Variants in DPP6 observed in about 807,000 individuals in gnomAD.
DPP6 encodes A-type potassium channel modulatory protein DPP6.
Under a neutral mutation model 122.6 loss-of-function variants are expected in DPP6, and 69 were observed. The observed-to-expected ratio is 0.56, with a 90% confidence interval of 0.46 to 0.69. DPP6 has a LOEUF of 0.69. Among genes scored for constraint, DPP6 ranks in the 30% least tolerant of loss-of-function variants. The pLI is 0.00. For synonymous variants in DPP6, 418 were observed against 433.1 expected (o/e 0.97, Z 0.43); for missense variants, 928 against 1,116.9 (o/e 0.83, Z 2.41).
At chr7:154,281,399 C>A (rs1585819634) in intron 1 of DPP6, among the ~76,000 whole-genome samples, 1 of 152,114 alleles carries the variant, frequency 6.6e-6, no homozygotes, top group Admixed American at 6.5e-5. Context: ...GTGGGCTCTC[C>A]CTGGGCTGTG....
chr7:154,290,707 G>C (rs1585843721), intron 1 of DPP6, among the ~76,000 whole-genome samples: 1 of 152,004 alleles, frequency 6.6e-6, no homozygotes, highest in Non-Finnish European at 1.5e-5. Flanking sequence ...GTTCCACTTG[G>C]CAGCCATTTT....
At chr7:154,884,345 CT>C (rs1805879452) in intron 21 of DPP6, 1 of 69,574 alleles carries the variant, frequency 1.4e-5, no homozygotes. Flanking sequence ...CATACGCCTA[CT>C]CACACACACA....
chr7:154,338,191 C>G (rs1441973539), intron 1 of DPP6, among the ~76,000 whole-genome samples: 3 of 152,080 alleles, frequency 2.0e-5, no homozygotes, highest in African/African-American at 7.2e-5. Flanking sequence ...CAGTTGTACT[C>G]CAGCAGGACT....
intron 1 of DPP6, among the ~76,000 whole-genome samples, chr7:153,997,682 A>C (rs527663796): frequency 6.7e-6 from 1 of 149,186 alleles, no homozygotes; most frequent in Non-Finnish European, 1.5e-5. Context: ...CACAAAAATT[A>C]AGGCATCCAA....
At chr7:154,750,009 A>C (rs1843292154) in intron 8 of DPP6, among the ~76,000 whole-genome samples, 3 of 150,770 alleles carry the variant, frequency 2.0e-5, no homozygotes, top group Non-Finnish European at 4.4e-5. Flanking sequence ...GACGGGAAAG[A>C]GAGGGATGGA....
intron 1 of DPP6, among the ~76,000 whole-genome samples, chr7:154,250,959 G>C (rs1306289272): frequency 1.3e-5 from 2 of 152,200 alleles, no homozygotes; most frequent in African/African-American, 4.8e-5. Flanking sequence ...GGCGTCCCTA[G>C]TCCCAAAGAC....
Position 154,432,721 on chromosome 7 carries a change from G to A in DPP6, c.244-13493G>A, listed in dbSNP as rs376387951. Among the ~76,000 whole-genome samples, 77 of 152,228 alleles carry A rather than the reference G, an allele frequency of 5.1e-4. 1 individual carries two copies. The highest frequency in any genetic ancestry group is 1.8e-3 in the African/African-American group (75 of 41,548). On this transcript the variant is annotated intron_variant, in intron 1 of 25. Transcript: ENST00000377770. ...GCCACAAAGCTTATGCATGCTGAGC[G>A]TGGGTTTCAAATTTTGAGTTTTTTT...
chr7:153,863,529 G>T, the DPP6 span, among the ~76,000 whole-genome samples: 6 of 151,924 alleles, frequency 3.9e-5, no homozygotes, highest in Admixed American at 2.0e-4. Flanking sequence ...CATTCAAAAT[G>T]TATAATCATC....
intron 3 of DPP6, among the ~76,000 whole-genome samples, chr7:154,529,169 G>A (rs80223428): frequency 0.027 from 4,189 of 152,328 alleles, 92 homozygotes; most frequent in South Asian, 0.083. Context: ...CATTGGAAAT[G>A]AAGAAGACAG....
chr7:154,669,559 TG>T, intron 7 of DPP6, 118 bp downstream of exon 7: 1 of 1,412,322 alleles, frequency 7.1e-7, no homozygotes, highest in Non-Finnish European at 9.4e-7. Context: ...TGTGTGTGTG[TG>T]TGTGTGTAAA....
chr7:154,873,197 G>A (rs1358345531), intron 19 of DPP6, among the ~76,000 whole-genome samples: 1 of 152,190 alleles, frequency 6.6e-6, no homozygotes, highest in African/African-American at 2.4e-5. Context: ...ACAACTTTTT[G>A]TGCTCTGTAA....
intron 7 of DPP6, among the ~76,000 whole-genome samples, chr7:154,722,122 G>A (rs1187596256): frequency 2.0e-5 from 3 of 152,188 alleles, no homozygotes; most frequent in Non-Finnish European, 4.4e-5. Flanking sequence ...TTGAGCCCAG[G>A]AGGTTGAGGC....
In DPP6 at chr7:154,313,712, T is replaced by TATGC. The variant is rs1563460367; in HGVS notation, c.244-132500_244-132499insGCAT. Reference sequence around the variant, plus strand: ...ATATATATATATATATATATATATATATACACACACACGCACGCACACACA... The same window carrying TATGC: ...ATATATATATATATATATATATATATATGCATACACACACACGCACGCACACACA... On this transcript the variant is annotated intron_variant, in intron 1 of 25. Transcript: ENST00000377770. 6.7e-3 allele frequency among the ~76,000 whole-genome samples: 166 copies of TATGC among 24,914 alleles called. 34 individuals are homozygous for TATGC. Among genetic ancestry groups the TATGC allele is most frequent in the Non-Finnish European group, 8.3e-3 (84 of 10,178 alleles). The allele number at this position is 24,914 out of a possible 152,430, so 16.3% of individuals were successfully genotyped here. A position where few individuals can be genotyped will look rare whatever the true frequency, so the allele number is the denominator to read the frequency against.
At chr7:154,733,510 T>C (rs1842435205) in intron 8 of DPP6, among the ~76,000 whole-genome samples, 1 of 152,214 alleles carries the variant, frequency 6.6e-6, no homozygotes, top group Non-Finnish European at 1.5e-5. Context: ...CCTAATAGTT[T>C]TCTGTTCCAA....
At chr7:153,909,274 A>G (rs1799974365) in intron 1 of DPP6, among the ~76,000 whole-genome samples, 1 of 152,080 alleles carries the variant, frequency 6.6e-6, no homozygotes, top group Non-Finnish European at 1.5e-5. Flanking sequence ...AATTACCCCC[A>G]GGTTAGCACC....
chr7:154,093,674 T>C (rs1305437366), intron 1 of DPP6: 1 of 138,698 alleles, frequency 7.2e-6, no homozygotes, highest in African/African-American at 2.5e-5. Context: ...AAACTTCTGT[T>C]GAGGCTGTGC....
chr7:154,648,678 C>T lies in DPP6; in HGVS notation c.680+10805C>T, dbSNP rs544760611. On this transcript the variant is annotated intron_variant, in intron 6 of 25. Transcript: ENST00000377770. ...CTCACATCTGTAATCCCAGCACTTT[C>T]GGAGGCCAAGGTGGGTGGATCACAA... 3.7e-4 allele frequency among the ~76,000 whole-genome samples: 57 copies of T among 152,130 alleles called. 1 individual carries two copies. The South Asian group carries it at 6.9e-3, about 18-fold the overall frequency.
chr7:154,889,531 G>A lies in DPP6; in HGVS notation c.2451+1G>A. The stretch of plus-strand genomic sequence containing the variant: ...GGGAAAGGCTAATTACAGCTTACAG[G>A]TACAGTACGCATGTTACTCTGTTTT... On this transcript the variant is annotated splice_donor_variant, in intron 25 of 25. Coordinates refer to ENST00000377770, the MANE Select transcript of DPP6 (RefSeq NM_130797.4). LOFTEE classifies it high-confidence loss of function. The A allele has an allele frequency of 1.2e-6, 2 of 1,606,110 alleles. No individual in the cohort carries two copies. Among genetic ancestry groups the A allele is most frequent in the Non-Finnish European group, 1.7e-6 (2 of 1,176,586 alleles).
rs543882037 is a variant in DPP6 at position 154,716,248 on chromosome 7, G to A, written c.763-11519G>A. On this transcript the variant is annotated intron_variant, in intron 7 of 25. Transcript: ENST00000377770. ...GTTTACCCATCACAAAGAAAATGAAGCCCCAACTTCCCTGGAACACAAGGC... is the reference window on the plus strand; with the variant it reads ...GTTTACCCATCACAAAGAAAATGAAACCCCAACTTCCCTGGAACACAAGGC... Among the ~76,000 whole-genome samples, 8 of 152,170 alleles carry A rather than the reference G, an allele frequency of 5.3e-5. No homozygotes were observed. In the South Asian group the frequency reaches 1.7e-3, roughly 32 times the overall value.
Sources: allele counts gnomAD v4.1 joint callset (sites outside exome capture counted in the v4.1 genomes callset), GRCh38; gene constraint gnomAD v4.1.1; transcripts MANE v1.5; gene names NCBI Gene and HGNC (gene_info 2026-07-23, HGNC 2026-07-21).